Variants in VPS54 observed in about 807,000 individuals in gnomAD.
VPS54 encodes VPS54 subunit of GARP complex.
In VPS54, 45 loss-of-function variants were observed where a neutral mutation model predicts 121.5. The observed-to-expected ratio is 0.37, with a 90% CI of 0.29 to 0.47. The LOEUF (loss-of-function observed/expected upper bound fraction) is 0.47. VPS54 is among the 20% of genes least tolerant of loss of function. The pLI is 0.99. For missense variants in VPS54, 1,090 were observed against 1,131.4 expected (o/e 0.96, Z 0.52); for synonymous variants, 371 against 385.8 (o/e 0.96, Z 0.45).
chr2:63,976,271 G>A lies in VPS54; in HGVS notation c.379-4027C>T, dbSNP rs556472354. Among the ~76,000 whole-genome samples the A allele has an allele frequency of 1.5e-3, 223 of 149,722 alleles. 8 individuals are homozygous for A. The South Asian group carries it at 0.046, about 31-fold the overall frequency. On this transcript the variant is annotated intron_variant, in intron 3 of 22. Coordinates refer to ENST00000272322, the MANE Select transcript of VPS54 (RefSeq NM_016516.3). The stretch of plus-strand genomic sequence containing the variant: ...GGTTGCTGAGATGGGAGGATTGCTC[G>A]AGCCGGGAGGTTGAGGCTGCAGTGA...
chr2:63,901,263 C>G (rs1335016562), intron 20 of VPS54, among the ~76,000 whole-genome samples: 1 of 152,112 alleles, frequency 6.6e-6, no homozygotes, highest in East Asian at 1.9e-4. Context: ...GGAACTAATT[C>G]CAAAGACTGA....
Position 63,907,857 on chromosome 2 carries a change from C to T in VPS54, c.2625+4488G>A, listed in dbSNP as rs189549765. On this transcript the variant is annotated intron_variant, in intron 20 of 22. Coordinates refer to ENST00000272322, the MANE Select transcript of VPS54 (RefSeq NM_016516.3). Reference sequence around the variant, plus strand: ...TATCTGTAATTATGTAACTTAAAACCACAATGAGTATCACTCCATACACAC... The same window carrying T: ...TATCTGTAATTATGTAACTTAAAACTACAATGAGTATCACTCCATACACAC... Among the ~76,000 whole-genome samples, 7 of 152,182 alleles carry T rather than the reference C, an allele frequency of 4.6e-5. No individual in the cohort carries two copies. The East Asian group carries it at 1.4e-3, about 29-fold the overall frequency.
intron 1 of VPS54, among the ~76,000 whole-genome samples, chr2:63,992,609 G>A (rs1677381497): frequency 6.6e-6 from 1 of 152,188 alleles, no homozygotes; most frequent in Admixed American, 6.5e-5. Context: ...AACTCAATTA[G>A]TTTCTGAACA....
At chr2:63,943,098 G>T (rs1378604256) in intron 10 of VPS54, among the ~76,000 whole-genome samples, 1 of 152,018 alleles carries the variant, frequency 6.6e-6, no homozygotes, top group Non-Finnish European at 1.5e-5. Flanking sequence ...TACCTTATGT[G>T]GTTGTTGTAA....
intron 7 of VPS54, among the ~76,000 whole-genome samples, chr2:63,959,733 A>G (rs1675666320): frequency 6.6e-6 from 1 of 152,130 alleles, no homozygotes; most frequent in Admixed American, 6.5e-5. Flanking sequence ...CTAAAAATAA[A>G]AATCAGGCCA....
intron 22 of VPS54, among the ~76,000 whole-genome samples, chr2:63,895,405 G>T (rs12477898): frequency 0.15 from 23,056 of 152,242 alleles, 2,259 homozygotes; most frequent in Middle Eastern, 0.25. Context: ...AGTGAGCTGA[G>T]ATCACGCCAC....
chr2:63,959,080 A>G (rs920416611), intron 7 of VPS54, among the ~76,000 whole-genome samples: 5 of 152,250 alleles, frequency 3.3e-5, no homozygotes, highest in African/African-American at 1.2e-4. Context: ...ATAAAAATCA[A>G]TCTATAAAGC....
At chr2:63,903,017 A>T (rs1672753608) in intron 20 of VPS54, among the ~76,000 whole-genome samples, 1 of 152,188 alleles carries the variant, frequency 6.6e-6, no homozygotes, top group Non-Finnish European at 1.5e-5. Context: ...ACATAACATA[A>T]CAAAAATAAA....
chr2:63,902,160 G>C (rs1257147129), intron 20 of VPS54, among the ~76,000 whole-genome samples: 1 of 152,164 alleles, frequency 6.6e-6, no homozygotes, highest in East Asian at 1.9e-4. Flanking sequence ...TACCTAAGAT[G>C]GAGACCAGAC....
chr2:63,920,045 A>G (rs761038797), intron 14 of VPS54, 50 bp from the exon 15 acceptor site: 1 of 1,472,088 alleles, frequency 6.8e-7, no homozygotes, highest in African/African-American at 1.4e-5. Context: ...TTTCAATACC[A>G]TCTTCCTTGG....
At chr2:63,975,144 C>A in intron 3 of VPS54, 1 of 939,800 alleles carries the variant, frequency 1.1e-6, no homozygotes, top group Non-Finnish European at 1.5e-6. Flanking sequence ...CTCCTGGGTC[C>A]AAGTGATTCT....
Position 63,933,663 on chromosome 2 carries a change from C to T in VPS54, c.1739+10G>A. 1 of 1,604,626 alleles carries T rather than the reference C, an allele frequency of 6.2e-7. No homozygotes were observed. The highest frequency in any genetic ancestry group is 8.5e-7 in the Non-Finnish European group (1 of 1,175,318). On this transcript the variant is annotated intron_variant, in intron 12 of 22. Coordinates refer to ENST00000272322, the MANE Select transcript of VPS54 (RefSeq NM_016516.3). ...AATCTTGTCAATTTGGCAGTAGCCA[C>T]TATACTCACATAATATCCACACCTC...
intron 1 of VPS54, among the ~76,000 whole-genome samples, chr2:64,001,910 G>A (rs116754904): frequency 4.7e-4 from 71 of 152,132 alleles, no homozygotes; most frequent in East Asian, 1.9e-3. Flanking sequence ...CACTGGTGCC[G>A]AGCCCAGTTC....
intron 3 of VPS54, chr2:63,975,238 C>T (rs573212419): frequency 5.0e-5 from 23 of 456,810 alleles, no homozygotes; most frequent in African/African-American, 3.1e-4. Context: ...TAACCAACTC[C>T]ATCTTGCTTC....
At chr2:64,013,919 G>A (rs983492384) in intron 1 of VPS54, among the ~76,000 whole-genome samples, 6 of 151,648 alleles carry the variant, frequency 4.0e-5, no homozygotes, top group Non-Finnish European at 8.8e-5. Context: ...CCAGCCAGGC[G>A]CGGTGGCTCA....
chr2:63,900,808 G>A (rs539072780), intron 20 of VPS54, among the ~76,000 whole-genome samples: 264 of 152,244 alleles, frequency 1.7e-3, no homozygotes, highest in Middle Eastern at 3.4e-3. Flanking sequence ...CTGATGACAA[G>A]CTGGAGTGCA....
In VPS54 at chr2:63,933,655, A is replaced by C. The variant is rs1674317636; in HGVS notation, c.1739+18T>G. ...TGACTCAAAATCTTGTCAATTTGGC[A>C]GTAGCCACTATACTCACATAATATC... On this transcript the variant is annotated intron_variant, in intron 12 of 22. Transcript: ENST00000272322. 8.2e-6 allele frequency: 13 copies of C among 1,591,914 alleles called. No individual in the cohort carries two copies. Among genetic ancestry groups the C allele is most frequent in the Non-Finnish European group, 1.1e-5 (13 of 1,166,398 alleles).
In VPS54 at chr2:63,893,448, A is replaced by G. The variant is rs774083760; in HGVS notation, c.2916T>C (p.Ile972=). The G allele has an allele frequency of 1.9e-6, 3 of 1,614,016 alleles. No individual in the cohort carries two copies. In the South Asian group the frequency reaches 3.3e-5, roughly 18 times the overall value. ...LKDLDLNMAE[I]WEQKR is the part of the protein sequence containing the mutation. ...GATGACATCACCTCTTCTGCTCCCA[A>G]ATTTCGGCCATATTTAGGTCCAAAT... Residue 972 remains isoleucine (I), a synonymous_variant, in exon 23 of 23, where the codon ATT becomes ATC. Coordinates refer to ENST00000272322, the MANE Select transcript of VPS54 (RefSeq NM_016516.3).
intron 1 of VPS54, among the ~76,000 whole-genome samples, chr2:64,015,869 A>G (rs1276537671): frequency 2.6e-5 from 4 of 152,202 alleles, no homozygotes; most frequent in Admixed American, 1.3e-4. Flanking sequence ...GGTTTCATCA[A>G]TGTAGCTACA....
Sources: allele counts gnomAD v4.1 joint callset (sites outside exome capture counted in the v4.1 genomes callset), GRCh38; gene constraint gnomAD v4.1.1; transcripts MANE v1.5; gene names NCBI Gene and HGNC (gene_info 2026-07-23, HGNC 2026-07-21).